The following UBXN4 variants were observed in gnomAD, a reference collection of about 807,000 sequenced individuals.
UBXN4 encodes UBX domain-containing protein 4.
UBXN4 carries 35 observed loss-of-function variants against 66.2 expected under a neutral mutation model. The observed-to-expected ratio is 0.53, with a 90% CI of 0.40 to 0.70. The LOEUF (loss-of-function observed/expected upper bound fraction) is 0.70. UBXN4 is among the 30% of genes least tolerant of loss of function. The pLI, the probability that UBXN4 is intolerant of heterozygous loss-of-function variation, is 0.00. For synonymous variants in UBXN4, 203 were observed against 204.5 expected (o/e 0.99, Z 0.06); for missense variants, 533 against 599.8 (o/e 0.89, Z 1.16).
rs752148550 is a variant in UBXN4 at position 135,780,268 on chromosome 2, C to T, written c.1271C>T (p.Ala424Val). Residue 424 changes from alanine to valine, a missense_variant, in exon 12 of 13, where the codon GCC (alanine) becomes GTC (valine). By Grantham distance (64) the Ala-to-Val change is moderately conservative. Transcript: ENST00000272638. ...GGAACAGTGCTTTATCCATTCCTTG[C>T]CATCTGGAGATTAATTAGCAATTTC... ...LLGTVLYPFL[A>V]IWRLISNFLF... 1.2e-6 allele frequency: 2 copies of T among 1,613,980 alleles called. No individual in the cohort carries two copies. Among genetic ancestry groups the T allele is most frequent in the Non-Finnish European group, 1.7e-6 (2 of 1,180,016 alleles).
At chr2:135,773,171 A>G (rs1039013751) in intron 9 of UBXN4, among the ~76,000 whole-genome samples, 1 of 152,148 alleles carries the variant, frequency 6.6e-6, no homozygotes, top group African/African-American at 2.4e-5. Flanking sequence ...CCCCTATCCG[A>G]TAGGATTAAG....
intron 9 of UBXN4, among the ~76,000 whole-genome samples, chr2:135,773,776 GA>G (rs1481883942): frequency 4.6e-5 from 7 of 152,080 alleles, no homozygotes; most frequent in Non-Finnish European, 8.8e-5. Flanking sequence ...TTTGTAATCA[GA>G]AAAATTTTTA....
chr2:135,744,734 G>A (rs1469764521), intron 1 of UBXN4, among the ~76,000 whole-genome samples: 1 of 152,136 alleles, frequency 6.6e-6, no homozygotes, highest in Admixed American at 6.6e-5. Context: ...CGATACAAAG[G>A]ATATGCTGTT....
At chr2:135,753,818 G>A (rs1432281741) in intron 3 of UBXN4, 1 of 449,292 alleles carries the variant, frequency 2.2e-6, no homozygotes, top group Non-Finnish European at 3.9e-6. Context: ...AGATAGGATA[G>A]GGAGTTTTTA....
At chr2:135,743,765 G>A (rs1344201971) in intron 1 of UBXN4, among the ~76,000 whole-genome samples, 1 of 152,072 alleles carries the variant, frequency 6.6e-6, no homozygotes, top group Non-Finnish European at 1.5e-5. Context: ...AAAAAGAAAC[G>A]AGAGATTTTT....
At chr2:135,748,832 C>T (rs537479866) in intron 2 of UBXN4, among the ~76,000 whole-genome samples, 1 of 151,660 alleles carries the variant, frequency 6.6e-6, no homozygotes, top group South Asian at 2.1e-4. Context: ...GAGTTTGAGA[C>T]CAGTCTGGGC....
intron 2 of UBXN4, among the ~76,000 whole-genome samples, chr2:135,750,390 T>C (rs2077233891): frequency 6.6e-6 from 1 of 151,958 alleles, no homozygotes; most frequent in Admixed American, 6.6e-5. Context: ...CATTCAGAAA[T>C]TTCTACTCGG....
intron 5 of UBXN4, among the ~76,000 whole-genome samples, chr2:135,760,311 G>C (rs527916342): frequency 1.3e-5 from 2 of 152,104 alleles, no homozygotes; most frequent in Admixed American, 1.3e-4. Context: ...TGCACTGGTG[G>C]CCCCAGCTAC....
In UBXN4 at chr2:135,783,090, A is replaced by T. The variant is rs768411840; in HGVS notation, c.*203A>T. On this transcript the variant is annotated 3_prime_UTR_variant, in exon 13 of 13. Transcript: ENST00000272638. Reference sequence around the variant, plus strand: ...ATAACTCTCTGCTAGGTCCTTGCTTATATGGCAACCACTGCTAGAACCCTA... The same window carrying T: ...ATAACTCTCTGCTAGGTCCTTGCTTTTATGGCAACCACTGCTAGAACCCTA... 6 of 488,682 alleles carry T rather than the reference A, an allele frequency of 1.2e-5. No homozygotes were observed. The highest frequency in any genetic ancestry group is 2.1e-5 in the Non-Finnish European group (6 of 288,320). The allele number at this position is 488,682 out of a possible 1,614,324, so 30.3% of individuals were successfully genotyped here.
At position 135,770,695 on chromosome 2, in the gene UBXN4, A is replaced by G; in HGVS notation, c.782A>G (p.Asp261Gly). 6.4e-7 allele frequency: 1 copy of G among 1,567,624 alleles called. No individual in the cohort carries two copies. The highest frequency in any genetic ancestry group is 8.6e-7 in the Non-Finnish European group (1 of 1,166,692). The change falls in exon 8 of 13, where the codon GAT becomes GGT. Residue 261 changes from aspartate (D) to glycine (G), a missense_variant. Physicochemically the swap from Asp to Gly is moderately conservative, Grantham distance 94. Around this residue, in one of 2 missense-constraint regions of UBXN4, gnomAD observed 529 missense variants for 580.1 expected, o/e 0.91. Coordinates refer to ENST00000272638, the MANE Select transcript of UBXN4 (RefSeq NM_014607.4). Reference protein sequence around the residue: ...LEERNREKAEDRAARERIKQQ... With the variant: ...LEERNREKAEGRAARERIKQQ... ...GAAAGAAACAGAGAGAAAGCAGAAG[A>G]TAGGGCAGCTCGAGAACGTATAAAA...
chr2:135,759,815 C>G (rs541036068), intron 5 of UBXN4, among the ~76,000 whole-genome samples: 1 of 126,732 alleles, frequency 7.9e-6, no homozygotes, highest in Non-Finnish European at 1.6e-5. Context: ...GTCTCCCAGG[C>G]TGGAGTGCAG....
chr2:135,754,070 G>C, intron 3 of UBXN4, 89 bp from the exon 4 acceptor site: 2 of 910,752 alleles, frequency 2.2e-6, no homozygotes, highest in Non-Finnish European at 1.7e-6. Context: ...AAATCACAAA[G>C]ATCATTTGTT....
intron 1 of UBXN4, among the ~76,000 whole-genome samples, chr2:135,744,189 A>G (rs1263101733): frequency 6.6e-6 from 1 of 152,240 alleles, no homozygotes; most frequent in Non-Finnish European, 1.5e-5. Flanking sequence ...GATCTCAGTA[A>G]TAATATACCA....
chr2:135,773,016 G>A (rs990394052), intron 9 of UBXN4, among the ~76,000 whole-genome samples: 6 of 119,778 alleles, frequency 5.0e-5, no homozygotes, highest in South Asian at 2.7e-4. Flanking sequence ...CAGCCTGGGC[G>A]ACAGAGCGAG....
At chr2:135,780,690 T>G (rs1311103356) in intron 12 of UBXN4, among the ~76,000 whole-genome samples, 1 of 152,248 alleles carries the variant, frequency 6.6e-6, no homozygotes, top group Non-Finnish European at 1.5e-5. Flanking sequence ...TTTTTTCTAG[T>G]AACCTCTTTC....
At chr2:135,742,108 C>A in intron 1 of UBXN4, 97 bp downstream of exon 1, 1 of 1,408,064 alleles carries the variant, frequency 7.1e-7, no homozygotes, top group Non-Finnish European at 9.7e-7. Flanking sequence ...CTCCCCGAGA[C>A]GCGGGCTCCT....
At chr2:135,758,011 G>A (rs1470145582) in intron 5 of UBXN4, among the ~76,000 whole-genome samples, 4 of 151,626 alleles carry the variant, frequency 2.6e-5, no homozygotes, top group Admixed American at 1.3e-4. Flanking sequence ...CCTGGCCCAC[G>A]TGATCTCCTG....
At chr2:135,759,576 A>G (rs2077299671) in intron 5 of UBXN4, among the ~76,000 whole-genome samples, 1 of 152,128 alleles carries the variant, frequency 6.6e-6, no homozygotes, top group Non-Finnish European at 1.5e-5. Context: ...GACTTGATCA[A>G]GTCAGCTTCA....
chr2:135,770,750 T>G lies in UBXN4; in HGVS notation c.822+15T>G. 6.8e-7 allele frequency: 1 copy of G among 1,471,152 alleles called. No homozygotes were observed. Among genetic ancestry groups the G allele is most frequent in the Non-Finnish European group, 9.0e-7 (1 of 1,113,446 alleles). The allele number at this position is 1,471,152 out of a possible 1,614,324, so 91.1% of individuals were successfully genotyped here. A position where few individuals can be genotyped will look rare whatever the true frequency, so the allele number is the denominator to read the frequency against. On this transcript the variant is annotated intron_variant, in intron 8 of 12. Coordinates refer to ENST00000272638, the MANE Select transcript of UBXN4 (RefSeq NM_014607.4). ...AGATTGCATTGGTAAGTCTTAAGTT[T>G]CCAGACATTCGTGAAACTGTTTTTC...
Sources: allele counts gnomAD v4.1 joint callset (sites outside exome capture counted in the v4.1 genomes callset), GRCh38; gene constraint gnomAD v4.1.1; regional missense constraint gnomAD v4.1.1; transcripts MANE v1.5; gene names NCBI Gene and HGNC (gene_info 2026-07-23, HGNC 2026-07-21).